GRK4: variants seen among roughly 807,000 people sequenced by gnomAD.
GRK4 encodes the protein G protein-coupled receptor kinase 4, also known as G protein-coupled receptor kinase 2-like.
In GRK4, 73 loss-of-function variants were observed where a neutral mutation model predicts 77.9. The ratio of observed to expected loss-of-function variants is 0.94; its 90% CI spans 0.78 to 1.14. GRK4 has a LOEUF of 1.14. Ranked by LOEUF, GRK4 falls within the 50% of genes most tolerant of loss-of-function variation. The pLI, the probability that GRK4 is intolerant of heterozygous loss-of-function variation, is 0.00. For synonymous variants in GRK4, 257 were observed against 254.4 expected, an observed-to-expected ratio of 1.01 and a Z score of -0.10; for missense variants, 729 against 700.2, an observed-to-expected ratio of 1.04 and a Z score of -0.46.
At chr4:3,001,616 C>A (rs1729857038) in intron 4 of GRK4, among the ~76,000 whole-genome samples, 1 of 152,114 alleles carries the variant, frequency 6.6e-6, no homozygotes, top group Admixed American at 6.5e-5. Flanking sequence ...ATCCACCCTC[C>A]TTCGCCTCCC....
Position 3,037,437 on chromosome 4 carries a change from T to C in GRK4, c.1471T>C (p.Tyr491His). The C allele has an allele frequency of 6.2e-7, 1 of 1,611,408 alleles. No individual in the cohort carries two copies. Among genetic ancestry groups the C allele is most frequent in the Non-Finnish European group, 8.5e-7 (1 of 1,177,946 alleles). The change falls in exon 14 of 16, where the codon TAC becomes CAC. Residue 491 changes from tyrosine to histidine, a missense_variant. Tyr to His is a moderately conservative substitution (Grantham distance 83). Coordinates refer to ENST00000398052, the MANE Select transcript of GRK4 (RefSeq NM_182982.3). ...GCAGTTCTCGGTGGTGAAAGGGATCTACCTGGACACCGCAGATGAAGACTT... is the reference window on the plus strand; with the variant it reads ...GCAGTTCTCGGTGGTGAAAGGGATCCACCTGGACACCGCAGATGAAGACTT... ...IEQFSVVKGI[Y>H]LDTADEDFYA...
Position 3,037,463 on chromosome 4 carries a change from C to A in GRK4, c.1497C>A (p.Phe499Leu), listed in dbSNP as rs1261465040. 6.2e-7 allele frequency: 1 copy of A among 1,611,612 alleles called. No homozygotes were observed. The highest frequency in any genetic ancestry group is 8.5e-7 in the Non-Finnish European group (1 of 1,177,968). ...ACCTGGACACCGCAGATGAAGACTTCTATGCTCGGTTTGCTACCGGGTGTG... is the reference window on the plus strand; with the variant it reads ...ACCTGGACACCGCAGATGAAGACTTATATGCTCGGTTTGCTACCGGGTGTG... ...GIYLDTADED[F>L]YARFATGCVS... is the part of the protein sequence containing the mutation. The change falls in exon 14 of 16, where the codon TTC (phenylalanine) becomes TTA (leucine). Residue 499 changes from phenylalanine to leucine, a missense_variant. Coordinates refer to ENST00000398052, the MANE Select transcript of GRK4 (RefSeq NM_182982.3).
At chr4:2,980,732 G>A (rs3021136) in intron 1 of GRK4, among the ~76,000 whole-genome samples, 9 of 152,056 alleles carry the variant, frequency 5.9e-5, no homozygotes, top group Middle Eastern at 3.4e-3. Flanking sequence ...GGGGCTGAGC[G>A]GCTGTGCCAC....
intron 12 of GRK4, among the ~76,000 whole-genome samples, chr4:3,034,115 A>G (rs1739924018): frequency 6.6e-6 from 1 of 152,164 alleles, no homozygotes; most frequent in Non-Finnish European, 1.5e-5. Flanking sequence ...GGATCCCCTC[A>G]GGCTGTGGCA....
chr4:3,038,669 A>T (rs999586348), intron 15 of GRK4, 156 bp downstream of exon 15: 9 of 697,552 alleles, frequency 1.3e-5, no homozygotes, highest in Non-Finnish European at 2.1e-5. Flanking sequence ...GGTGGAGGCC[A>T]GCCAGAACAA....
chr4:3,014,762 A>G (rs1012635200), intron 8 of GRK4, among the ~76,000 whole-genome samples: 2 of 151,874 alleles, frequency 1.3e-5, no homozygotes, highest in Non-Finnish European at 2.9e-5. Context: ...GCACCACCGC[A>G]CTCCAGCCTG....
At chr4:2,977,832 C>T (rs1721662286) in intron 1 of GRK4, among the ~76,000 whole-genome samples, 2 of 152,158 alleles carry the variant, frequency 1.3e-5, no homozygotes, top group Non-Finnish European at 2.9e-5. Flanking sequence ...AGTCAGATGG[C>T]CCCCCTCCCC....
At chr4:3,013,922 T>A in intron 8 of GRK4, 94 bp downstream of exon 8, 1 of 1,333,700 alleles carries the variant, frequency 7.5e-7, no homozygotes, top group Non-Finnish European at 1.0e-6. Context: ...ACTGAAGCCG[T>A]GGAAGTCATT....
chr4:2,999,880 A>G (rs112847599), intron 4 of GRK4, among the ~76,000 whole-genome samples: 1,988 of 152,322 alleles, frequency 0.013, 18 homozygotes, highest in Non-Finnish European at 0.022. Flanking sequence ...TAAATCAAAT[A>G]CTGGTAAGGG....
intron 4 of GRK4, among the ~76,000 whole-genome samples, chr4:3,002,693 A>G (rs1730188181): frequency 6.6e-6 from 1 of 151,618 alleles, no homozygotes; most frequent in African/African-American, 2.4e-5. Context: ...ACAGAACAAG[A>G]CTCCATCTCA....
intron 15 of GRK4, chr4:3,038,826 C>T: frequency 3.9e-6 from 1 of 253,448 alleles, no homozygotes; most frequent in Non-Finnish European, 7.1e-6. Flanking sequence ...CCTGTGGAAC[C>T]TTCGTCAGAT....
intron 4 of GRK4, among the ~76,000 whole-genome samples, chr4:3,003,013 C>T (rs1730298657): frequency 6.6e-6 from 1 of 152,136 alleles, no homozygotes; most frequent in African/African-American, 2.4e-5. Flanking sequence ...TGTTCTGCAG[C>T]CCATCTCCAG....
intron 14 of GRK4, 63 bp from the exon 15 acceptor site, chr4:3,038,313 G>A: frequency 6.2e-7 from 1 of 1,600,870 alleles, no homozygotes; most frequent in Non-Finnish European, 8.5e-7. Flanking sequence ...CTGGCACTGG[G>A]AGACACCCAC....
intron 4 of GRK4, among the ~76,000 whole-genome samples, chr4:2,997,908 C>CAAA (rs34665052): frequency 2.8e-5 from 3 of 108,706 alleles, no homozygotes; most frequent in Non-Finnish European, 5.7e-5. Context: ...ACTCCATCTC[C>CAAA]AAAAAAAAAA....
At chr4:3,026,509 C>T (rs533091370) in intron 10 of GRK4, among the ~76,000 whole-genome samples, 15 of 152,256 alleles carry the variant, frequency 9.9e-5, no homozygotes, top group Middle Eastern at 3.4e-3. Flanking sequence ...GTGGGAGGAT[C>T]GCTTGAGCCC....
At chr4:2,993,444 C>T (rs746685861) in intron 4 of GRK4, among the ~76,000 whole-genome samples, 6 of 152,130 alleles carry the variant, frequency 3.9e-5, no homozygotes, top group Non-Finnish European at 7.4e-5. Flanking sequence ...GAGGCTGAGG[C>T]GGGTAGATCA....
At chr4:2,970,058 A>G (rs1301254492) in intron 1 of GRK4, among the ~76,000 whole-genome samples, 1 of 152,220 alleles carries the variant, frequency 6.6e-6, no homozygotes, top group African/African-American at 2.4e-5. Context: ...TCTGTCAGAT[A>G]TTTGAAGTAA....
intron 4 of GRK4, among the ~76,000 whole-genome samples, chr4:2,995,109 G>A (rs1033747093): frequency 3.3e-5 from 5 of 152,126 alleles, no homozygotes; most frequent in Non-Finnish European, 7.4e-5. Context: ...CAAAGAACAT[G>A]ATCGTTCTCT....
chr4:3,030,688 G>C (rs1414888436), intron 12 of GRK4, among the ~76,000 whole-genome samples: 1 of 151,808 alleles, frequency 6.6e-6, no homozygotes. Flanking sequence ...GACAGAGATT[G>C]TCTGCAATAG....
Sources: allele counts gnomAD v4.1 joint callset (sites outside exome capture counted in the v4.1 genomes callset), GRCh38; gene constraint gnomAD v4.1.1; transcripts MANE v1.5; gene names NCBI Gene and HGNC (gene_info 2026-07-23, HGNC 2026-07-21).